The following FOXK2 variants were observed in gnomAD, a reference collection of about 807,000 sequenced individuals.
FOXK2 encodes forkhead box protein K2.
FOXK2 carries 24 observed loss-of-function variants against 53.3 expected under a neutral mutation model. That is an observed-to-expected ratio of 0.45 (90% confidence interval 0.33 to 0.63). The LOEUF is 0.63. Among genes scored for constraint, FOXK2 ranks in the 30% least tolerant of loss-of-function variants. The pLI, the probability that FOXK2 is intolerant of heterozygous loss-of-function variation, is 0.03. For synonymous variants in FOXK2, 505 were observed against 407.1 expected (o/e 1.24, Z -2.89); for missense variants, 952 against 910.5 (o/e 1.05, Z -0.59).
chr17:82,562,112 A>C (rs2044802102), intron 1 of FOXK2, among the ~76,000 whole-genome samples: 1 of 152,168 alleles, frequency 6.6e-6, no homozygotes, highest in Non-Finnish European at 1.5e-5. Flanking sequence ...TTATTCTTTG[A>C]AGGTATTTGG....
chr17:82,538,890 C>T (rs1015805953), intron 1 of FOXK2, among the ~76,000 whole-genome samples: 1 of 152,196 alleles, frequency 6.6e-6, no homozygotes, highest in African/African-American at 2.4e-5. Flanking sequence ...AGATCTCCTT[C>T]CAAAACAGTT....
rs762669953 is a variant in FOXK2 at position 82,554,537 on chromosome 17, A to C, written c.420-8817A>C. The stretch of plus-strand genomic sequence containing the variant: ...TGGTTTGTTCAAGTGAAGGAAATGG[A>C]ATTTTTATCAGGGCCCTCTGAACAG... On this transcript the variant is annotated intron_variant, in intron 1 of 8. Coordinates refer to ENST00000335255, the MANE Select transcript of FOXK2 (RefSeq NM_004514.4). Among the ~76,000 whole-genome samples, 32 of 152,132 alleles carry C rather than the reference A, an allele frequency of 2.1e-4. 1 individual carries two copies. The highest frequency in any genetic ancestry group is 6.2e-4 in the South Asian group (3 of 4,836).
At chr17:82,523,155 G>A (rs1044990485) in intron 1 of FOXK2, among the ~76,000 whole-genome samples, 43 of 152,200 alleles carry the variant, frequency 2.8e-4, no homozygotes, top group African/African-American at 9.9e-4. Context: ...GAAGGGCAGT[G>A]AGATGGAGGC....
chr17:82,525,752 A>G lies in FOXK2; in HGVS notation c.419+5445A>G, dbSNP rs1006108045. ...ATAAATAGAACAAGTTGAATTTACTATTGCCTACAACTATTTAACGTGCTA... is the reference window on the plus strand; with the variant it reads ...ATAAATAGAACAAGTTGAATTTACTGTTGCCTACAACTATTTAACGTGCTA... On this transcript the variant is annotated intron_variant, in intron 1 of 8. Transcript: ENST00000335255. Among the ~76,000 whole-genome samples, 3 of 152,338 alleles carry G rather than the reference A, an allele frequency of 2.0e-5. No homozygotes were observed. The East Asian group carries it at 5.8e-4, about 29-fold the overall frequency.
intron 4 of FOXK2, chr17:82,576,966 G>A (rs1389960008): frequency 2.6e-6 from 1 of 391,300 alleles, no homozygotes; most frequent in African/African-American, 2.1e-5. Flanking sequence ...TTCGAGACCA[G>A]ATGACCAACA....
chr17:82,552,034 T>TGTGAG (rs1362352107), intron 1 of FOXK2, among the ~76,000 whole-genome samples: 1 of 152,074 alleles, frequency 6.6e-6, no homozygotes, highest in Non-Finnish European at 1.5e-5. Flanking sequence ...GTCCTCAGGG[T>TGTGAG]GTGAGGCACC....
chr17:82,533,593 G>A (rs963952362), intron 1 of FOXK2, among the ~76,000 whole-genome samples: 5 of 152,026 alleles, frequency 3.3e-5, no homozygotes, highest in African/African-American at 1.2e-4. Context: ...ACTTTCATAC[G>A]GCTGTTCGCG....
Position 82,596,864 on chromosome 17 carries a change from C to T in FOXK2, c.1787-4439C>T, listed in dbSNP as rs74522475. Among the ~76,000 whole-genome samples, 56 of 152,314 alleles carry T rather than the reference C, an allele frequency of 3.7e-4. 1 individual carries two copies. The East Asian group carries it at 8.7e-3, about 24-fold the overall frequency. On this transcript the variant is annotated intron_variant, in intron 8 of 8. Coordinates refer to ENST00000335255, the MANE Select transcript of FOXK2 (RefSeq NM_004514.4). ...CCATCTTCTCACCTACTTCAGGTTC[C>T]ATTTCATGGTAGGAAATTCCTGTAG...
At chr17:82,551,121 T>C (rs2044672724) in intron 1 of FOXK2, among the ~76,000 whole-genome samples, 1 of 149,388 alleles carries the variant, frequency 6.7e-6, no homozygotes, top group South Asian at 2.1e-4. Flanking sequence ...ACTGAGACCA[T>C]CCTGGCTAAC....
At chr17:82,579,070 G>C (rs923584482) in intron 4 of FOXK2, among the ~76,000 whole-genome samples, 2 of 150,426 alleles carry the variant, frequency 1.3e-5, no homozygotes, top group Non-Finnish European at 3.0e-5. Context: ...CTGAGTCCCC[G>C]CTTAGGAGGA....
intron 8 of FOXK2, chr17:82,587,510 G>A: frequency 1.8e-6 from 1 of 544,750 alleles, no homozygotes; most frequent in Non-Finnish European, 3.3e-6. Context: ...ACATTGAGAG[G>A]GAAAAATACT....
intron 1 of FOXK2, among the ~76,000 whole-genome samples, chr17:82,520,922 C>T (rs528448989): frequency 7.2e-5 from 11 of 152,254 alleles, no homozygotes; most frequent in African/African-American, 2.6e-4. Context: ...AAACTAGATG[C>T]TTTTCGCATA....
intron 1 of FOXK2, among the ~76,000 whole-genome samples, chr17:82,556,656 G>T (rs879125667): frequency 6.6e-6 from 1 of 152,236 alleles, no homozygotes; most frequent in African/African-American, 2.4e-5. Context: ...TGGTCAGGCT[G>T]TGAGCAGATG....
chr17:82,591,579 G>C (rs759426559), intron 8 of FOXK2, among the ~76,000 whole-genome samples: 1 of 152,210 alleles, frequency 6.6e-6, no homozygotes, highest in South Asian at 2.1e-4. Context: ...TGTGGGGAGG[G>C]CTTGAGGCCT....
chr17:82,561,112 C>T (rs2044788423), intron 1 of FOXK2, among the ~76,000 whole-genome samples: 1 of 152,160 alleles, frequency 6.6e-6, no homozygotes, highest in Non-Finnish European at 1.5e-5. Context: ...AGTGTCTTAA[C>T]AGGGGTTTTG....
intron 8 of FOXK2, chr17:82,594,086 A>T (rs1440240868): frequency 2.6e-5 from 4 of 151,842 alleles, no homozygotes; most frequent in African/African-American, 4.8e-5. Context: ...GGGTCTTCTG[A>T]TGCTTCCTGG....
intron 1 of FOXK2, among the ~76,000 whole-genome samples, chr17:82,552,197 T>G (rs142941898): frequency 6.6e-4 from 100 of 152,364 alleles, no homozygotes; most frequent in African/African-American, 2.0e-3. Context: ...CAAATGTTTT[T>G]CTTTTTCTTT....
chr17:82,591,715 C>T (rs1160927333), intron 8 of FOXK2, among the ~76,000 whole-genome samples: 2 of 152,214 alleles, frequency 1.3e-5, no homozygotes. Flanking sequence ...CCTCCCATCA[C>T]ACGTGCTGTG....
chr17:82,540,635 A>C (rs1474094449), intron 1 of FOXK2, among the ~76,000 whole-genome samples: 1 of 152,034 alleles, frequency 6.6e-6, no homozygotes, highest in African/African-American at 2.4e-5. Flanking sequence ...TGCCCACTGG[A>C]TGCTACTCTG....
Sources: gnomAD v4.1 joint callset for allele counts (sites outside exome capture counted in the v4.1 genomes callset) on GRCh38, gnomAD v4.1.1 for gene constraint, MANE v1.5 for transcripts, NCBI Gene and HGNC (gene_info 2026-07-23, HGNC 2026-07-21) for gene names.